Variants in PGCKA1 observed in about 807,000 individuals in gnomAD.
The protein encoded by PGCKA1 is PDCD10 and GCKIII kinases-associated protein 1.
chr4:37,575,090 A>G, the PGCKA1 span, among the ~76,000 whole-genome samples: 1 of 152,068 alleles, frequency 6.6e-6, no homozygotes, highest in Non-Finnish European at 1.5e-5. Flanking sequence ...CAATACAGTG[A>G]TTTCCTTTCT....
At chr4:37,488,696 C>T in the PGCKA1 span, among the ~76,000 whole-genome samples, 2 of 152,186 alleles carry the variant, frequency 1.3e-5, no homozygotes, top group African/African-American at 2.4e-5. Flanking sequence ...CCTATCTCCC[C>T]TCCCATGCTC....
At chr4:37,500,564 C>T in the PGCKA1 span, among the ~76,000 whole-genome samples, 16 of 152,262 alleles carry the variant, frequency 1.1e-4, no homozygotes, top group Non-Finnish European at 1.6e-4. Flanking sequence ...AGAGTATGTG[C>T]CATGTGGCAA....
chr4:37,554,912 G>A, the PGCKA1 span, among the ~76,000 whole-genome samples: 13 of 152,190 alleles, frequency 8.5e-5, no homozygotes, highest in East Asian at 1.9e-4. Flanking sequence ...CATGGATGTC[G>A]TATTGTAGAA....
the PGCKA1 span, among the ~76,000 whole-genome samples, chr4:37,497,820 C>T: frequency 6.6e-6 from 1 of 152,108 alleles, no homozygotes; most frequent in African/African-American, 2.4e-5. Flanking sequence ...TTTTCTCCCA[C>T]TCTGTGGGTT....
the PGCKA1 span, among the ~76,000 whole-genome samples, chr4:37,469,871 A>G: frequency 5.9e-5 from 9 of 152,194 alleles, no homozygotes; most frequent in Non-Finnish European, 1.2e-4. Context: ...ACCCTTCCAT[A>G]TCTGCACACA....
At chr4:37,480,431 T>C in the PGCKA1 span, among the ~76,000 whole-genome samples, 1 of 152,202 alleles carries the variant, frequency 6.6e-6, no homozygotes, top group Admixed American at 6.5e-5. Flanking sequence ...AGGCGGAGAT[T>C]GCAGTCAGCT....
the PGCKA1 span, among the ~76,000 whole-genome samples, chr4:37,540,442 C>T: frequency 1.2e-4 from 18 of 152,178 alleles, no homozygotes; most frequent in East Asian, 1.9e-4. Flanking sequence ...CATTCTATCC[C>T]GAATATGATT....
chr4:37,457,998 A>G, the PGCKA1 span, among the ~76,000 whole-genome samples: 4 of 152,252 alleles, frequency 2.6e-5, no homozygotes, highest in Non-Finnish European at 5.9e-5. Context: ...CAAGAAAAAC[A>G]TTAAATTGTG....
the PGCKA1 span, among the ~76,000 whole-genome samples, chr4:37,551,193 C>T: frequency 6.6e-6 from 1 of 152,106 alleles, no homozygotes; most frequent in African/African-American, 2.4e-5. Context: ...GATCAGTGGA[C>T]AGGTAGCTGT....
the PGCKA1 span, among the ~76,000 whole-genome samples, chr4:37,524,651 T>C: frequency 6.6e-6 from 1 of 152,320 alleles, no homozygotes; most frequent in African/African-American, 2.4e-5. Context: ...AGGACAGGAA[T>C]TATTGGGGCC....
At chr4:37,565,788 T>C in the PGCKA1 span, among the ~76,000 whole-genome samples, 2 of 152,178 alleles carry the variant, frequency 1.3e-5, no homozygotes, top group Non-Finnish European at 2.9e-5. Flanking sequence ...GTGTTGGTCC[T>C]GGGTGTGTCT....
the PGCKA1 span, among the ~76,000 whole-genome samples, chr4:37,553,743 T>C: frequency 6.6e-6 from 1 of 152,244 alleles, no homozygotes; most frequent in East Asian, 1.9e-4. Flanking sequence ...GCATTGGTAT[T>C]AGGCATCTTT....
the PGCKA1 span, among the ~76,000 whole-genome samples, chr4:37,540,012 AT>A: frequency 6.6e-6 from 1 of 152,256 alleles, no homozygotes; most frequent in African/African-American, 2.4e-5. Context: ...TGTGAAAAAA[AT>A]AAAAATTAAA....
chr4:37,509,721 G>A, the PGCKA1 span, among the ~76,000 whole-genome samples: 4 of 151,520 alleles, frequency 2.6e-5, no homozygotes, highest in Non-Finnish European at 4.4e-5. Flanking sequence ...AGCACTTCGC[G>A]AGGCCGAGGC....
the PGCKA1 span, among the ~76,000 whole-genome samples, chr4:37,523,338 C>T: frequency 6.6e-6 from 1 of 152,038 alleles, no homozygotes; most frequent in Non-Finnish European, 1.5e-5. Flanking sequence ...CTGCACCACG[C>T]TGCCATTGCT....
chr4:37,558,300 G>A, the PGCKA1 span, among the ~76,000 whole-genome samples: 2 of 152,218 alleles, frequency 1.3e-5, no homozygotes, highest in African/African-American at 2.4e-5. Context: ...ATTCTAAAAC[G>A]AGTGTGATAA....
At chr4:37,543,529 G>T in the PGCKA1 span, among the ~76,000 whole-genome samples, 1 of 152,034 alleles carries the variant, frequency 6.6e-6, no homozygotes, top group South Asian at 2.1e-4. Flanking sequence ...TAGTTATTCT[G>T]TTCATTTCAT....
chr4:37,453,414 T>C, the PGCKA1 span, among the ~76,000 whole-genome samples: 140 of 152,184 alleles, frequency 9.2e-4, 1 homozygote, highest in African/African-American at 3.3e-3. Context: ...GTTTTTATCG[T>C]GGTGGTGGCG....
At chr4:37,540,338 CA>C in the PGCKA1 span, among the ~76,000 whole-genome samples, 1 of 152,098 alleles carries the variant, frequency 6.6e-6, no homozygotes, top group Admixed American at 6.5e-5. Flanking sequence ...AGAGCGAGTG[CA>C]AAAAGAAAGT....
Sources: allele counts gnomAD v4.1 joint callset (sites outside exome capture counted in the v4.1 genomes callset), GRCh38; gene constraint gnomAD v4.1.1; transcripts MANE v1.5; gene names NCBI Gene and HGNC (gene_info 2026-07-23, HGNC 2026-07-21).